Variants in SLMAP observed in about 807,000 individuals in gnomAD.
SLMAP encodes sarcolemma associated protein, also known as sarcolemmal membrane-associated protein.
Under a neutral mutation model 128.8 loss-of-function variants are expected in SLMAP, and 44 were observed. That is an observed-to-expected ratio of 0.34 (90% confidence interval 0.27 to 0.44). SLMAP has a LOEUF of 0.44. Ranked by LOEUF, SLMAP falls within the 20% of genes least tolerant of loss-of-function variation. SLMAP has a pLI of 1.00. For synonymous variants in SLMAP, 327 were observed against 348.8 expected, an observed-to-expected ratio of 0.94 and a Z score of 0.70; for missense variants, 787 against 985.3, an observed-to-expected ratio of 0.80 and a Z score of 2.69.
At chr3:57,872,049 C>G (rs2095491411) in intron 14 of SLMAP, among the ~76,000 whole-genome samples, 1 of 152,136 alleles carries the variant, frequency 6.6e-6, no homozygotes, top group Admixed American at 6.6e-5. Flanking sequence ...CTCAGAGTAG[C>G]AGGAGCTTTT....
intron 15 of SLMAP, among the ~76,000 whole-genome samples, chr3:57,892,813 C>T (rs987563155): frequency 1.4e-5 from 2 of 144,422 alleles, no homozygotes; most frequent in Non-Finnish European, 3.0e-5. Context: ...CACACACATA[C>T]ACACACAAAC....
At chr3:57,924,005 A>C (rs951077944) in intron 23 of SLMAP, among the ~76,000 whole-genome samples, 2 of 152,182 alleles carry the variant, frequency 1.3e-5, no homozygotes, top group Admixed American at 6.5e-5. Context: ...CAAAATGTAG[A>C]TTACATAACT....
chr3:57,901,382 G>A (rs1408012023), intron 17 of SLMAP: 1 of 152,150 alleles, frequency 6.6e-6, no homozygotes, highest in Admixed American at 6.6e-5. Flanking sequence ...GAATGCCCAG[G>A]GTTTTTTTGT....
intron 6 of SLMAP, among the ~76,000 whole-genome samples, chr3:57,853,989 A>T (rs4681762): frequency 1.8e-5 from 2 of 109,258 alleles, no homozygotes; most frequent in South Asian, 2.6e-4. Context: ...ATATATATAT[A>T]TATATATATA....
chr3:57,803,750 A>C (rs530591731), intron 2 of SLMAP, among the ~76,000 whole-genome samples: 1 of 152,176 alleles, frequency 6.6e-6, no homozygotes, highest in Non-Finnish European at 1.5e-5. Context: ...AGAGAGCTGC[A>C]TGCTTGCTCT....
At chr3:57,909,561 G>T (rs1465979452) in intron 19 of SLMAP, among the ~76,000 whole-genome samples, 1 of 151,554 alleles carries the variant, frequency 6.6e-6, no homozygotes, top group Non-Finnish European at 1.5e-5. Flanking sequence ...ATTTTTCATG[G>T]CTTTGATTCT....
In SLMAP at chr3:57,927,673, G is replaced by C. The variant is rs1308408968; in HGVS notation, c.*384G>C. 5.6e-6 allele frequency: 1 copy of C among 177,182 alleles called. No homozygotes were observed. The highest frequency in any genetic ancestry group is 1.2e-5 in the Non-Finnish European group (1 of 84,840). 11.0% of individuals were successfully genotyped at this position (177,182 alleles called of 1,614,324 possible). Reference sequence around the variant, plus strand: ...TGAATATTATGGTGGCCTAAAGTAGGCTTCTTGGTACACCAGATTATTTAT... The same window carrying C: ...TGAATATTATGGTGGCCTAAAGTAGCCTTCTTGGTACACCAGATTATTTAT... On this transcript the variant is annotated 3_prime_UTR_variant, in exon 25 of 25. Transcript: ENST00000671191.
intron 2 of SLMAP, among the ~76,000 whole-genome samples, chr3:57,807,068 T>A (rs1212270112): frequency 2.6e-5 from 4 of 152,226 alleles, no homozygotes; most frequent in Non-Finnish European, 5.9e-5. Flanking sequence ...CTGACTGGTG[T>A]GAGATGGTAT....
intron 2 of SLMAP, among the ~76,000 whole-genome samples, chr3:57,811,674 C>T (rs562552650): frequency 5.9e-4 from 90 of 152,272 alleles, no homozygotes; most frequent in Non-Finnish European, 8.4e-4. Flanking sequence ...TTGTTTAACA[C>T]AGTAGCTGTA....
At position 57,927,706 on chromosome 3, in the gene SLMAP, A is replaced by G. The variant is rs976186057; in HGVS notation, c.*417A>G. On this transcript the variant is annotated 3_prime_UTR_variant, in exon 25 of 25. Transcript: ENST00000671191. ...GTACACCAGATTATTTATAACATTA[A>G]ATTTATGAGTATTTTACTCTGAATT... The G allele has an allele frequency of 1.2e-5, 2 of 161,544 alleles. No homozygotes were observed. The highest frequency in any genetic ancestry group is 4.8e-5 in the African/African-American group (2 of 41,712). The allele number at this position is 161,544 out of a possible 1,614,324, so 10.0% of individuals were successfully genotyped here.
Position 57,888,834 on chromosome 3 carries a change from A to G in SLMAP, c.1301-1207A>G, listed in dbSNP as rs141215588. On this transcript the variant is annotated intron_variant, in intron 14 of 24. Coordinates refer to ENST00000671191, the MANE Select transcript of SLMAP (RefSeq NM_001377540.1). ...GGAATGGAGTGAAGTAGGACAGAGG[A>G]CAGGTAGGACAGCTTACATTATACA... Among the ~76,000 whole-genome samples, 218 of 152,274 alleles carry G rather than the reference A, an allele frequency of 1.4e-3. 1 individual carries two copies. Among genetic ancestry groups the G allele is most frequent in the African/African-American group, 4.6e-3 (192 of 41,556 alleles).
At chr3:57,770,290 A>G (rs2080574771) in intron 2 of SLMAP, among the ~76,000 whole-genome samples, 1 of 152,222 alleles carries the variant, frequency 6.6e-6, no homozygotes, top group Admixed American at 6.5e-5. Flanking sequence ...TCCTTCCCCC[A>G]GGATTGGGGG....
chr3:57,866,963 A>G (rs1258879208), intron 13 of SLMAP, among the ~76,000 whole-genome samples: 3 of 152,138 alleles, frequency 2.0e-5, no homozygotes, highest in African/African-American at 7.2e-5. Flanking sequence ...ACTTGAGGTC[A>G]GTAGTTGAAG....
chr3:57,847,107 A>G, intron 4 of SLMAP, 90 bp from the exon 5 acceptor site: 2 of 770,460 alleles, frequency 2.6e-6, no homozygotes, highest in Non-Finnish European at 4.4e-6. Context: ...AAATGTATAA[A>G]CTTTGTGGTG....
intron 17 of SLMAP, chr3:57,902,010 G>C (rs528243369): frequency 1.3e-5 from 2 of 152,140 alleles, no homozygotes; most frequent in Non-Finnish European, 2.9e-5. Context: ...TCCAGCCTGG[G>C]TGACACAGCG....
intron 2 of SLMAP, among the ~76,000 whole-genome samples, chr3:57,766,530 C>G (rs149147949): frequency 5.5e-4 from 84 of 152,238 alleles, no homozygotes; most frequent in Non-Finnish European, 1.0e-3. Context: ...CAGACTCTTT[C>G]CTCTTCTCAG....
intron 2 of SLMAP, among the ~76,000 whole-genome samples, chr3:57,795,568 G>A (rs1576606625): frequency 6.6e-6 from 1 of 151,886 alleles, no homozygotes; most frequent in South Asian, 2.1e-4. Flanking sequence ...AGAAAAATTG[G>A]ATTATCAGTT....
intron 5 of SLMAP, among the ~76,000 whole-genome samples, chr3:57,848,261 C>T (rs957045023): frequency 3.3e-5 from 5 of 150,420 alleles, no homozygotes; most frequent in East Asian, 2.0e-4. Context: ...TCTCCTCCTC[C>T]TCCTCCTCTT....
chr3:57,890,017 G>A, intron 14 of SLMAP, 24 bp from the exon 15 acceptor site: 2 of 1,561,554 alleles, frequency 1.3e-6, no homozygotes, highest in Non-Finnish European at 1.8e-6. Context: ...GGGCTTGGAT[G>A]GTAACGTTTA....
Sources: allele counts gnomAD v4.1 joint callset (sites outside exome capture counted in the v4.1 genomes callset), GRCh38; gene constraint gnomAD v4.1.1; transcripts MANE v1.5; gene names NCBI Gene and HGNC (gene_info 2026-07-23, HGNC 2026-07-21).